TIMELESS: variants seen among roughly 807,000 people sequenced by gnomAD.
TIMELESS encodes the protein timeless circadian regulator.
In TIMELESS, 124 loss-of-function variants were observed where a neutral mutation model predicts 164.3. That is an observed-to-expected ratio of 0.75 (90% CI 0.65 to 0.88). The LOEUF (loss-of-function observed/expected upper bound fraction) is 0.88, where lower values mean the gene tolerates loss of function less well. TIMELESS is among the 40% of genes least tolerant of loss of function. The pLI is 0.00. For missense variants in TIMELESS, 1,422 were observed against 1,491.4 expected (o/e 0.95, Z 0.77); for synonymous variants, 564 against 563.4 (o/e 1.00, Z -0.02).
At chr12:56,419,763 G>A (rs896301012) in intron 26 of TIMELESS, among the ~76,000 whole-genome samples, 4 of 150,928 alleles carry the variant, frequency 2.7e-5, no homozygotes, top group Admixed American at 6.6e-5. Flanking sequence ...ACTGTAGATC[G>A]ACAATATTAA....
At chr12:56,423,141 C>A in intron 18 of TIMELESS, 133 bp downstream of exon 18, 1 of 1,393,904 alleles carries the variant, frequency 7.2e-7, no homozygotes, top group Non-Finnish European at 9.7e-7. Context: ...CTCAACCTGC[C>A]TGTCTACTTT....
At chr12:56,420,060 GTGTGTGTGTGTATA>G (rs1280996529) in intron 26 of TIMELESS, among the ~76,000 whole-genome samples, 2 of 89,760 alleles carry the variant, frequency 2.2e-5, no homozygotes, top group Non-Finnish European at 4.7e-5. Context: ...GTGTGTGTGT[GTGTGTGTGTGTATA>G]TATATATATA....
intron 13 of TIMELESS, among the ~76,000 whole-genome samples, chr12:56,425,856 C>T (rs1194823407): frequency 6.6e-6 from 1 of 151,890 alleles, no homozygotes; most frequent in Non-Finnish European, 1.5e-5. Context: ...GCTTAGGTAA[C>T]AGAGCGAGAC....
In TIMELESS at chr12:56,433,229, A is replaced by T. The variant is rs1012064343; in HGVS notation, c.430-102T>A. ...ATAGAAGAGAAGCAGGATTAAAAAG[A>T]AAGAGTTCAAACAGTACTGAGGCAG... On this transcript the variant is annotated intron_variant, in intron 5 of 28. Coordinates refer to ENST00000553532, the MANE Select transcript of TIMELESS (RefSeq NM_003920.5). 29 of 1,417,814 alleles carry T rather than the reference A, an allele frequency of 2.0e-5. No homozygotes were observed. The African/African-American group carries it at 3.8e-4, about 19-fold the overall frequency. The allele number at this position is 1,417,814 out of a possible 1,614,324, so 87.8% of individuals were successfully genotyped here.
chr12:56,420,029 A>AAAAAT (rs1555176447), intron 26 of TIMELESS, among the ~76,000 whole-genome samples: 132 of 75,098 alleles, frequency 1.8e-3, no homozygotes, highest in African/African-American at 3.6e-3. Context: ...AAAAAAAAAA[A>AAAAAT]ATATATATAT....
In TIMELESS at chr12:56,431,480, C is replaced by A. The variant is rs898786460; in HGVS notation, c.812G>T (p.Arg271Leu). Residue 271 changes from arginine (R) to leucine (L), a missense_variant, in exon 8 of 29, where the codon CGA becomes CTA. By Grantham distance (102) the Arg-to-Leu change is moderately radical. Transcript: ENST00000553532. The stretch of plus-strand genomic sequence containing the variant: ...CCTCTCTGTCACTCACCTGTTGCCT[C>A]GCTGGAGGGCTCGAGTCTTCTTTTC... The part of the protein sequence containing the change: ...MAEKKTRALQ[R>L]GNRHSRFGGS... 2.5e-6 allele frequency: 4 copies of A among 1,610,192 alleles called. No homozygotes were observed. Among genetic ancestry groups the A allele is most frequent in the Non-Finnish European group, 3.4e-6 (4 of 1,179,002 alleles).
At chr12:56,448,138 G>A (rs1426168694) in intron 1 of TIMELESS, among the ~76,000 whole-genome samples, 4 of 152,188 alleles carry the variant, frequency 2.6e-5, no homozygotes, top group African/African-American at 4.8e-5. Context: ...GGGTGTGGTG[G>A]CTCACACCCG....
Position 56,429,118 on chromosome 12 carries a change from A to G in TIMELESS, c.1087-18T>C. 1 of 1,604,264 alleles carries G rather than the reference A, an allele frequency of 6.2e-7. No homozygotes were observed. The highest frequency in any genetic ancestry group is 8.5e-7 in the Non-Finnish European group (1 of 1,176,510). On this transcript the variant is annotated intron_variant, in intron 10 of 28. Transcript: ENST00000553532. Reference sequence around the variant, plus strand: ...AGGTGATCCTGACATTTAAAAAAGAAAAAAAAAGATCACCATGACTCCAGG... The same window carrying G: ...AGGTGATCCTGACATTTAAAAAAGAGAAAAAAAGATCACCATGACTCCAGG...
In TIMELESS at chr12:56,429,050, C is replaced by T. The variant is rs1343197272; in HGVS notation, c.1137G>A (p.Met379Ile). ...AGGCCATGAAGAAAGCCAAGGCCCA[C>T]ATATAATAGGTCTCATCATGCTGCT... ...KAQQHDETYY[M>I]WALAFFMAFN... Residue 379 changes from methionine (M) to isoleucine (I), a missense_variant, in exon 11 of 29, where the codon ATG becomes ATA. Physicochemically the swap from Met to Ile is conservative, Grantham distance 10. Transcript: ENST00000553532. 6.2e-7 allele frequency: 1 copy of T among 1,614,062 alleles called. No individual in the cohort carries two copies. The highest frequency in any genetic ancestry group is 2.2e-5 in the East Asian group (1 of 44,884).
intron 10 of TIMELESS, among the ~76,000 whole-genome samples, chr12:56,429,849 A>C: frequency 6.7e-6 from 1 of 149,582 alleles, no homozygotes; most frequent in Admixed American, 6.6e-5. Context: ...ACAATTTCCA[A>C]CTCTCTCCTG....
chr12:56,435,025 G>A (rs1882024434), intron 1 of TIMELESS, among the ~76,000 whole-genome samples: 1 of 152,106 alleles, frequency 6.6e-6, no homozygotes, highest in Non-Finnish European at 1.5e-5. Context: ...CTGGTCTACA[G>A]AGTCTCTGGA....
At chr12:56,433,341 T>C (rs1429733758) in intron 5 of TIMELESS, 40 bp downstream of exon 5, 1 of 1,610,916 alleles carries the variant, frequency 6.2e-7, no homozygotes, top group Non-Finnish European at 8.5e-7. Flanking sequence ...AGGTGCAAAA[T>C]GCTGTCCCAT....
intron 1 of TIMELESS, among the ~76,000 whole-genome samples, chr12:56,440,580 G>T (rs1480520676): frequency 6.6e-6 from 1 of 152,198 alleles, no homozygotes; most frequent in Non-Finnish European, 1.5e-5. Context: ...TACTAAACTG[G>T]TGAACTTGAG....
chr12:56,418,460 C>A, intron 26 of TIMELESS, 101 bp from the exon 27 acceptor site: 1 of 818,126 alleles, frequency 1.2e-6, no homozygotes, highest in East Asian at 2.6e-5. Context: ...TGAAGATCCA[C>A]AAGGGTTGTG....
intron 1 of TIMELESS, among the ~76,000 whole-genome samples, chr12:56,439,167 CAAAAAAAAAAAAAA>C (rs57127557): frequency 1.2e-5 from 1 of 85,640 alleles, no homozygotes; most frequent in Non-Finnish European, 2.2e-5. Context: ...AACTCCTTCT[CAAAAAAAAAAAAAA>C]AAAAAAAAAA....
intron 8 of TIMELESS, among the ~76,000 whole-genome samples, 195 bp downstream of exon 8, chr12:56,431,276 C>G (rs1881868855): frequency 1.3e-5 from 2 of 151,606 alleles, no homozygotes; most frequent in South Asian, 2.1e-4. Context: ...ATCGCTTGAA[C>G]CCAGGAGACA....
chr12:56,425,089 T>C lies in TIMELESS; in HGVS notation c.1642A>G (p.Asn548Asp), dbSNP rs1017646523. 1.9e-6 allele frequency: 3 copies of C among 1,614,060 alleles called. No individual in the cohort carries two copies. The change falls in exon 14 of 29, where the codon AAT becomes GAT. Residue 548 changes from asparagine to aspartate, a missense_variant. Coordinates refer to ENST00000553532, the MANE Select transcript of TIMELESS (RefSeq NM_003920.5). The stretch of plus-strand genomic sequence containing the variant: ...ACTTCTTCTGGGCTAGATGGGACAT[T>C]ACCAGAAACAATGGCCTGGTCTAGG... ...KVLDQAIVSG[N>D]VPSSPEEVEA...
At chr12:56,445,403 CAA>C (rs1406500312) in intron 1 of TIMELESS, among the ~76,000 whole-genome samples, 1 of 86,634 alleles carries the variant, frequency 1.2e-5, no homozygotes, top group Non-Finnish European at 2.1e-5. Flanking sequence ...GCCTGGGAAA[CAA>C]GAGCGAAACT....
chr12:56,417,781 C>G lies in TIMELESS; in HGVS notation c.3562G>C (p.Glu1188Gln). 1 of 1,614,146 alleles carries G rather than the reference C, an allele frequency of 6.2e-7. No individual in the cohort carries two copies. The highest frequency in any genetic ancestry group is 1.1e-5 in the South Asian group (1 of 91,072). Residue 1188 changes from glutamate to glutamine, a missense_variant, in exon 29 of 29, where the codon GAG becomes CAG. Physicochemically the swap from Glu to Gln is conservative, Grantham distance 29. Transcript: ENST00000553532. ...TTTTGGATTCCTGGAGCTCCCAACT[C>G]TGGTGCTGTGGGAACGATGGGGGTG... ...EEDEGRNRAP[E>Q]LGAPGIQKKK...
Sources: gnomAD v4.1 joint callset for allele counts (sites outside exome capture counted in the v4.1 genomes callset) on GRCh38, gnomAD v4.1.1 for gene constraint, MANE v1.5 for transcripts, NCBI Gene and HGNC (gene_info 2026-07-23, HGNC 2026-07-21) for gene names.